The following PHF12 variants were observed in gnomAD, a reference collection of about 807,000 sequenced individuals.
The protein encoded by PHF12 is PHD finger protein 12.
PHF12 carries 6 observed loss-of-function variants against 99.8 expected under a neutral mutation model. The observed-to-expected ratio is 0.06, with a 90% CI of 0.03 to 0.12. The LOEUF is 0.12. Among genes scored for constraint, PHF12 ranks in the 10% least tolerant of loss-of-function variants. The probability of loss-of-function intolerance (pLI) is 1.00; values close to 1 mark genes in which losing one functional copy is unlikely to be tolerated. For synonymous variants in PHF12, 480 were observed against 514.9 expected (o/e 0.93, Z 0.92); for missense variants, 954 against 1,300.1 (o/e 0.73, Z 4.09).
chr17:28,920,109 G>A (rs901086536), intron 5 of PHF12, among the ~76,000 whole-genome samples: 2 of 152,216 alleles, frequency 1.3e-5, no homozygotes, highest in Non-Finnish European at 2.9e-5. Context: ...ATGTATTCAT[G>A]TAAGCAGGGT....
At chr17:28,940,761 G>C (rs958216410) in intron 2 of PHF12, among the ~76,000 whole-genome samples, 19 of 152,206 alleles carry the variant, frequency 1.2e-4, no homozygotes, top group Non-Finnish European at 1.5e-5. Context: ...CAGTCAGCTA[G>C]TGACCTGTGC....
intron 2 of PHF12, among the ~76,000 whole-genome samples, chr17:28,935,536 T>A (rs1163545913): frequency 6.6e-6 from 1 of 152,162 alleles, no homozygotes; most frequent in Non-Finnish European, 1.5e-5. Flanking sequence ...CCTCCCAAAG[T>A]GTTGGGATTA....
intron 2 of PHF12, among the ~76,000 whole-genome samples, chr17:28,943,699 CACA>C (rs149262291): frequency 0.015 from 2,294 of 152,232 alleles, 64 homozygotes; most frequent in African/African-American, 0.053. Flanking sequence ...CCCAAATGTT[CACA>C]ACATTATTTA....
chr17:28,939,235 A>G (rs2040569406), intron 2 of PHF12, among the ~76,000 whole-genome samples: 1 of 152,220 alleles, frequency 6.6e-6, no homozygotes, highest in South Asian at 2.1e-4. Flanking sequence ...GGGATACAGC[A>G]AAACAAAAAT....
Position 28,950,592 on chromosome 17 carries a change from T to A in PHF12, c.66+303A>T, listed in dbSNP as rs969638318. On this transcript the variant is annotated intron_variant, in intron 1 of 14. Coordinates refer to ENST00000332830, the MANE Select transcript of PHF12 (RefSeq NM_001033561.2). The surrounding 1 kb of genome is among the most constrained non-coding windows in gnomAD (Gnocchi z 5.7). ...CCCAAAGCCCGGTACCCGGACGTGC[T>A]GGGGGAAGCACAAAGGGGCCAACAA... is the stretch of plus-strand genomic sequence containing the variant. The A allele has an allele frequency of 1.9e-6, 1 of 518,314 alleles. No individual in the cohort carries two copies. Among genetic ancestry groups the A allele is most frequent in the Non-Finnish European group, 3.4e-6 (1 of 294,576 alleles). The allele number at this position is 518,314 out of a possible 1,614,324, so 32.1% of individuals were successfully genotyped here. A position where few individuals can be genotyped will look rare whatever the true frequency, so the allele number is the denominator to read the frequency against.
At chr17:28,913,790 T>G in intron 8 of PHF12, 89 bp downstream of exon 8, 81 of 1,509,784 alleles carry the variant, frequency 5.4e-5, no homozygotes, top group Middle Eastern at 2.5e-4. Context: ...GGGACTGGAA[T>G]GAGAATGACA....
intron 2 of PHF12, among the ~76,000 whole-genome samples, chr17:28,942,925 G>A (rs1478677827): frequency 6.6e-6 from 1 of 151,900 alleles, no homozygotes; most frequent in Non-Finnish European, 1.5e-5. Context: ...TATGCGACAA[G>A]GAACTTATAT....
intron 4 of PHF12, among the ~76,000 whole-genome samples, chr17:28,922,313 C>G (rs1318436446): frequency 6.6e-6 from 1 of 152,084 alleles, no homozygotes; most frequent in Non-Finnish European, 1.5e-5. Context: ...AGACTGGTCT[C>G]CAATTCCTGG....
chr17:28,926,950 A>T (rs1311144213), intron 3 of PHF12, 41 bp downstream of exon 3: 3 of 1,610,976 alleles, frequency 1.9e-6, no homozygotes, highest in African/African-American at 1.3e-5. Flanking sequence ...AGTGCTCTGG[A>T]TCAGGCTTTC....
intron 2 of PHF12, among the ~76,000 whole-genome samples, chr17:28,932,256 C>T (rs1393297723): frequency 6.6e-6 from 1 of 152,110 alleles, no homozygotes; most frequent in Non-Finnish European, 1.5e-5. Flanking sequence ...CTCAGCCTCC[C>T]GAGTAGCTGG....
At position 28,946,386 on chromosome 17, in the gene PHF12, G is replaced by T. The variant is rs1253205506; in HGVS notation, c.248+3679C>A. On this transcript the variant is annotated intron_variant, in intron 2 of 14. Coordinates refer to ENST00000332830, the MANE Select transcript of PHF12 (RefSeq NM_001033561.2). ...CAGAAATAGGTTCCCAGTCTAACTGGGAAGAGATGACGTGCCTCATACAAA... is the reference window on the plus strand; with the variant it reads ...CAGAAATAGGTTCCCAGTCTAACTGTGAAGAGATGACGTGCCTCATACAAA... Among the ~76,000 whole-genome samples, 2 of 152,164 alleles carry T rather than the reference G, an allele frequency of 1.3e-5. 1 individual carries two copies. The highest frequency in any genetic ancestry group is 2.9e-5 in the Non-Finnish European group (2 of 68,020).
At chr17:28,933,984 C>T (rs991864347) in intron 2 of PHF12, among the ~76,000 whole-genome samples, 7 of 152,066 alleles carry the variant, frequency 4.6e-5, no homozygotes, top group African/African-American at 1.7e-4. Flanking sequence ...GAGGGCAAAA[C>T]TGAAGTGAGC....
intron 7 of PHF12, among the ~76,000 whole-genome samples, chr17:28,915,146 C>T (rs2040039852): frequency 6.6e-6 from 1 of 152,086 alleles, no homozygotes; most frequent in Non-Finnish European, 1.5e-5. Context: ...TTTGGGTTGA[C>T]ACTTGGAAGT....
At position 28,950,913 on chromosome 17, in the gene PHF12, T is replaced by C. The variant is rs1306857103; in HGVS notation, c.48A>G (p.Thr16=). ...CTCTTACCTCCATCAGCCCCCCTGATGTGTCCAAGTCGTACACGATCGTCT... is the reference window on the plus strand; with the variant it reads ...CTCTTACCTCCATCAGCCCCCCTGACGTGTCCAAGTCGTACACGATCGTCT... The part of the protein sequence containing the change: ...ETKTIVYDLD[T]SGGLMEQIQA... The change falls in exon 1 of 15, where the codon ACA becomes ACG. Residue 16 remains threonine (T), a synonymous_variant. Transcript: ENST00000332830. This position sits in a 1 kb window ranked among gnomAD's most constrained non-coding sequence, Gnocchi z 5.7. 1.2e-6 allele frequency: 2 copies of C among 1,613,952 alleles called. No homozygotes were observed. Among genetic ancestry groups the C allele is most frequent in the South Asian group, 1.1e-5 (1 of 91,068 alleles).
At chr17:28,912,136 A>G in intron 9 of PHF12, 1 of 1,102,640 alleles carries the variant, frequency 9.1e-7, no homozygotes, top group Non-Finnish European at 1.1e-6. Flanking sequence ...AATTCCAGAG[A>G]GCACCCTGCC....
intron 9 of PHF12, 144 bp downstream of exon 9, chr17:28,912,338 T>C: frequency 7.1e-7 from 1 of 1,411,708 alleles, no homozygotes; most frequent in Non-Finnish European, 9.2e-7. Context: ...CTTCCTCTTC[T>C]ATTACGGAAA....
At chr17:28,923,606 C>T (rs538914022) in intron 4 of PHF12, among the ~76,000 whole-genome samples, 4 of 122,474 alleles carry the variant, frequency 3.3e-5, no homozygotes, top group East Asian at 2.4e-4. Flanking sequence ...TGCAATGAGC[C>T]GAGATCGTGC....
rs1046553955 is a variant in PHF12, at chr17:28,951,025, G to C, written c.-65C>G. 1.2e-6 allele frequency: 2 copies of C among 1,607,936 alleles called. No individual in the cohort carries two copies. The highest frequency in any genetic ancestry group is 1.7e-6 in the Non-Finnish European group (2 of 1,176,836). On this transcript the variant is annotated 5_prime_UTR_variant, in exon 1 of 15. Coordinates refer to ENST00000332830, the MANE Select transcript of PHF12 (RefSeq NM_001033561.2). ...CCCCAACCCCGGGGGGAGGGGGGAG[G>C]TGAGGGGAGGGGGCGCTCCTGACCC... is the stretch of plus-strand genomic sequence containing the variant.
rs1393806446 is a variant in PHF12 at position 28,914,052 on chromosome 17, T to C, written c.1135-15A>G. On this transcript the variant is annotated splice_polypyrimidine_tract_variant and intron_variant, in intron 7 of 14. Coordinates refer to ENST00000332830, the MANE Select transcript of PHF12 (RefSeq NM_001033561.2). The stretch of plus-strand genomic sequence containing the variant: ...GCATCAGGAACCTGTTCAGGATAGA[T>C]AGAAGGAGGAAGGAGAGGGAGATAG... 1.1e-5 allele frequency: 17 copies of C among 1,588,552 alleles called. 1 individual carries two copies. Among genetic ancestry groups the C allele is most frequent in the East Asian group, 4.5e-5 (2 of 44,252 alleles).
Sources: gnomAD v4.1 joint callset for allele counts (sites outside exome capture counted in the v4.1 genomes callset) on GRCh38, gnomAD v4.1.1 for gene constraint, Gnocchi (gnomAD v3.1) non-coding constraint, MANE v1.5 for transcripts, NCBI Gene and HGNC (gene_info 2026-07-23, HGNC 2026-07-21) for gene names.